The following ST7L variants were observed in gnomAD, a reference collection of about 807,000 sequenced individuals.
ST7L encodes suppression of tumorigenicity 7 like.
ST7L carries 57 observed loss-of-function variants against 72.5 expected under a neutral mutation model. The observed-to-expected ratio is 0.79, with a 90% CI of 0.64 to 0.98. The LOEUF (loss-of-function observed/expected upper bound fraction) is 0.98. Among genes scored for constraint, ST7L ranks in the 50% least tolerant of loss-of-function variants. ST7L has a pLI of 0.00. For synonymous variants in ST7L, 221 were observed against 240.9 expected, an observed-to-expected ratio of 0.92 and a Z score of 0.77; for missense variants, 576 against 672.2, an observed-to-expected ratio of 0.86 and a Z score of 1.58.
intron 11 of ST7L, among the ~76,000 whole-genome samples, chr1:112,559,625 A>G (rs923069569): frequency 6.6e-6 from 1 of 152,220 alleles, no homozygotes; most frequent in African/African-American, 2.4e-5. Context: ...CACATGGCAC[A>G]CTTATTAAGA....
At chr1:112,603,187 G>A (rs903116407) in intron 3 of ST7L, among the ~76,000 whole-genome samples, 5 of 152,182 alleles carry the variant, frequency 3.3e-5, no homozygotes, top group Non-Finnish European at 7.3e-5. Flanking sequence ...TTTTCTGTGA[G>A]AATGGTGATG....
At chr1:112,535,104 G>GGCTC in intron 14 of ST7L, among the ~76,000 whole-genome samples, 1 of 152,310 alleles carries the variant, frequency 6.6e-6, no homozygotes, top group Middle Eastern at 3.4e-3. Context: ...TGGGCGCAGT[G>GGCTC]GCTCACACCT....
intron 11 of ST7L, among the ~76,000 whole-genome samples, chr1:112,565,355 G>C (rs1002508115): frequency 1.3e-5 from 2 of 151,322 alleles, no homozygotes; most frequent in Non-Finnish European, 2.9e-5. Context: ...GCAGGCGTGA[G>C]CCACCACGCC....
chr1:112,569,453 G>A lies in ST7L; in HGVS notation c.1245+7533C>T, dbSNP rs994877814. ...CAGACACAAAAGGCCACTATTATAC[G>A]ATTCAATTCATATGAAAAGTCCAGA... On this transcript the variant is annotated intron_variant, in intron 11 of 14. Transcript: ENST00000358039. Among the ~76,000 whole-genome samples the A allele has an allele frequency of 8.5e-5, 13 of 152,266 alleles. 1 individual carries two copies. The highest frequency in any genetic ancestry group is 2.6e-4 in the Admixed American group (4 of 15,296).
At chr1:112,573,126 A>C (rs1662425896) in intron 11 of ST7L, among the ~76,000 whole-genome samples, 1 of 152,132 alleles carries the variant, frequency 6.6e-6, no homozygotes, top group Admixed American at 6.6e-5. Flanking sequence ...AGGCGGGCTG[A>C]TCATCTGAGG....
In ST7L at chr1:112,577,008, T is replaced by A; in HGVS notation, c.1223A>T (p.Glu408Val). 6.2e-7 allele frequency: 1 copy of A among 1,603,482 alleles called. No homozygotes were observed. Among genetic ancestry groups the A allele is most frequent in the Non-Finnish European group, 8.5e-7 (1 of 1,173,678 alleles). ...CACTTTTGGAACATGAGGATTAAAT[T>A]CCACAGCTCTATGAATTGCTTCCAC... ...NAVEAIHRAV[E>V]FNPHVPKYLL... Residue 408 changes from glutamate to valine, a missense_variant, in exon 11 of 15, where the codon GAA becomes GTA. Around this residue, in one of 3 missense-constraint regions of ST7L, gnomAD observed 511 missense variants for 600.7 expected, o/e 0.85. Coordinates refer to ENST00000358039, the MANE Select transcript of ST7L (RefSeq NM_017744.5).
chr1:112,542,545 C>G (rs1299702782), intron 13 of ST7L, among the ~76,000 whole-genome samples: 1 of 151,958 alleles, frequency 6.6e-6, no homozygotes, highest in African/African-American at 2.4e-5. Context: ...TCGCTTAAAG[C>G]CAGGCATGCG....
downstream of ST7L, among the ~76,000 whole-genome samples, chr1:112,520,009 CTA>C (rs1355236275): frequency 1.3e-5 from 2 of 151,632 alleles, no homozygotes; most frequent in African/African-American, 4.8e-5. Context: ...GTATCTAGGA[CTA>C]CAGGCTCATG....
intron 3 of ST7L, among the ~76,000 whole-genome samples, chr1:112,605,795 C>A (rs1410207199): frequency 6.6e-6 from 1 of 152,174 alleles, no homozygotes; most frequent in Non-Finnish European, 1.5e-5. Context: ...TGGTACAGCC[C>A]CACCCATGCA....
At chr1:112,581,578 AT>A (rs1664129740) in intron 9 of ST7L, among the ~76,000 whole-genome samples, 1 of 151,660 alleles carries the variant, frequency 6.6e-6, no homozygotes, top group Admixed American at 6.6e-5. Flanking sequence ...TTTTTAAAAA[AT>A]TTTTTTGTAG....
At chr1:112,535,241 T>C (rs1654983494) in intron 14 of ST7L, among the ~76,000 whole-genome samples, 1 of 151,998 alleles carries the variant, frequency 6.6e-6, no homozygotes, top group African/African-American at 2.4e-5. Flanking sequence ...GGCATGGTGG[T>C]ACATATTGTA....
chr1:112,552,001 A>G (rs925553038), intron 12 of ST7L, among the ~76,000 whole-genome samples: 3 of 152,160 alleles, frequency 2.0e-5, no homozygotes, highest in African/African-American at 7.2e-5. Context: ...TATTTACCCA[A>G]TTATTTTAGT....
intron 5 of ST7L, among the ~76,000 whole-genome samples, chr1:112,596,732 G>T (rs1666538530): frequency 6.6e-6 from 1 of 151,998 alleles, no homozygotes; most frequent in Admixed American, 6.6e-5. Flanking sequence ...CCACCTCCGG[G>T]ATTCAAGTGA....
intron 7 of ST7L, among the ~76,000 whole-genome samples, chr1:112,583,356 T>C (rs1485544680): frequency 7.2e-5 from 11 of 152,262 alleles, no homozygotes; most frequent in African/African-American, 2.2e-4. Flanking sequence ...TCTAACATCT[T>C]TGGTAAAAAA....
At chr1:112,559,474 C>T (rs1217174609) in intron 11 of ST7L, among the ~76,000 whole-genome samples, 1 of 151,616 alleles carries the variant, frequency 6.6e-6, no homozygotes, top group Non-Finnish European at 1.5e-5. Flanking sequence ...CCTCGTGATC[C>T]ACCAGCCTCG....
chr1:112,574,157 T>C (rs1420074765), intron 11 of ST7L, among the ~76,000 whole-genome samples: 2 of 149,080 alleles, frequency 1.3e-5, no homozygotes, highest in African/African-American at 4.9e-5. Flanking sequence ...GCTTAGGCGA[T>C]CCACCCACCT....
At chr1:112,615,756 T>C (rs913432958) in intron 2 of ST7L, among the ~76,000 whole-genome samples, 1 of 152,162 alleles carries the variant, frequency 6.6e-6, no homozygotes, top group African/African-American at 2.4e-5. Context: ...TCATTCATTT[T>C]TGAGAAAGGG....
chr1:112,578,507 G>A, intron 9 of ST7L, 90 bp from the exon 10 acceptor site: 1 of 1,127,016 alleles, frequency 8.9e-7, no homozygotes, highest in Non-Finnish European at 1.3e-6. Flanking sequence ...CAGGCATGGT[G>A]GCTCATGCCT....
chr1:112,601,276 C>T (rs1024465591), intron 3 of ST7L, among the ~76,000 whole-genome samples: 2 of 152,028 alleles, frequency 1.3e-5, no homozygotes, highest in African/African-American at 2.4e-5. Context: ...GACAGAGTCT[C>T]GCTCTGTCAC....
Sources: allele counts gnomAD v4.1 joint callset (sites outside exome capture counted in the v4.1 genomes callset), GRCh38; gene constraint gnomAD v4.1.1; regional missense constraint gnomAD v4.1.1; transcripts MANE v1.5; gene names NCBI Gene and HGNC (gene_info 2026-07-23, HGNC 2026-07-21).